The following CDH7 variants were observed in gnomAD, a reference collection of about 807,000 sequenced individuals.
CDH7 encodes the protein cadherin 7.
Under a neutral mutation model 71.8 loss-of-function variants are expected in CDH7, and 25 were observed. The ratio of observed to expected loss-of-function variants is 0.35; its 90% CI spans 0.25 to 0.49. The LOEUF (loss-of-function observed/expected upper bound fraction) is 0.49. Among genes scored for constraint, CDH7 ranks in the 20% least tolerant of loss-of-function variants. CDH7 has a pLI of 0.99. For missense variants in CDH7, 862 were observed against 974.6 expected (o/e 0.88, Z 1.54); for synonymous variants, 381 against 363.8 (o/e 1.05, Z -0.54).
chr18:65,841,808 A>G (rs933185420), intron 6 of CDH7, among the ~76,000 whole-genome samples: 18 of 152,090 alleles, frequency 1.2e-4, no homozygotes, highest in South Asian at 2.1e-4. Flanking sequence ...GGGGCCACAC[A>G]TATTTTAGAA....
chr18:65,809,490 G>GTATTTCCTCATTTC (rs1911446058), intron 2 of CDH7, among the ~76,000 whole-genome samples: 2 of 152,132 alleles, frequency 1.3e-5, no homozygotes, highest in South Asian at 4.1e-4. Flanking sequence ...TGGAAATGAG[G>GTATTTCCTCATTTC]CTGTTTACAG....
chr18:65,770,102 C>T (rs1431631571), intron 2 of CDH7, among the ~76,000 whole-genome samples: 1 of 152,078 alleles, frequency 6.6e-6, no homozygotes, highest in African/African-American at 2.4e-5. Context: ...GAGTGTGAGC[C>T]AGATTTAAAT....
chr18:65,791,487 A>G (rs1011590185), intron 2 of CDH7, among the ~76,000 whole-genome samples: 2 of 152,198 alleles, frequency 1.3e-5, no homozygotes, highest in Non-Finnish European at 2.9e-5. Context: ...TCATTTGTAC[A>G]TATGGGAAAG....
At chr18:65,842,984 G>GA (rs1912792097) in intron 6 of CDH7, among the ~76,000 whole-genome samples, 2 of 151,938 alleles carry the variant, frequency 1.3e-5, no homozygotes, top group African/African-American at 4.8e-5. Context: ...ATCCATTGAA[G>GA]AAAAAGAAGC....
At chr18:65,796,041 T>C (rs1414462665) in intron 2 of CDH7, among the ~76,000 whole-genome samples, 1 of 152,138 alleles carries the variant, frequency 6.6e-6, no homozygotes, top group Non-Finnish European at 1.5e-5. Flanking sequence ...TTTTTTAAAA[T>C]AAATAAATAA....
Position 65,787,020 on chromosome 18 carries a change from C to CT in CDH7, c.211-22674dup, listed in dbSNP as rs377206336. Among the ~76,000 whole-genome samples, 16 of 149,844 alleles carry CT rather than the reference C, an allele frequency of 1.1e-4. No individual in the cohort carries two copies. In the South Asian group the frequency reaches 1.5e-3, roughly 14 times the overall value. ...TAAGTTTCATGCCCATCAATGAAAA[C>CT]TTTTTTTTTTCCCTGACACAAGACT... On this transcript the variant is annotated intron_variant, in intron 2 of 11. Transcript: ENST00000397968.
At chr18:65,820,817 C>G (rs1911896590) in intron 4 of CDH7, among the ~76,000 whole-genome samples, 1 of 151,998 alleles carries the variant, frequency 6.6e-6, no homozygotes, top group Admixed American at 6.6e-5. Flanking sequence ...CAAAGCAAAC[C>G]CATGAGAGGA....
Position 65,819,298 on chromosome 18 carries a change from T to C in CDH7, c.626-2783T>C, listed in dbSNP as rs547541700. On this transcript the variant is annotated intron_variant, in intron 4 of 11. Transcript: ENST00000397968. Reference sequence around the variant, plus strand: ...GAAATTGGGTTTACGTAAGTATAAATAAATTTGCCAAGAGACCATAGATTG... The same window carrying C: ...GAAATTGGGTTTACGTAAGTATAAACAAATTTGCCAAGAGACCATAGATTG... Among the ~76,000 whole-genome samples the C allele has an allele frequency of 2.6e-5, 4 of 152,280 alleles. No individual in the cohort carries two copies. In the South Asian group the frequency reaches 8.3e-4, roughly 32 times the overall value.
Position 65,775,464 on chromosome 18 carries a change from A to G in CDH7, c.210+12412A>G, listed in dbSNP as rs538956112. Among the ~76,000 whole-genome samples the G allele has an allele frequency of 4.6e-5, 7 of 152,302 alleles. No homozygotes were observed. The South Asian group carries it at 6.2e-4, about 14-fold the overall frequency. On this transcript the variant is annotated intron_variant, in intron 2 of 11. Coordinates refer to ENST00000397968, the MANE Select transcript of CDH7 (RefSeq NM_004361.5). Reference sequence around the variant, plus strand: ...TTAGTTGTTAATAATAGTGGTACATATTTTTATTTTGCATTCAATTGCTAC... The same window carrying G: ...TTAGTTGTTAATAATAGTGGTACATGTTTTTATTTTGCATTCAATTGCTAC...
intron 2 of CDH7, among the ~76,000 whole-genome samples, chr18:65,772,494 T>C (rs1291365797): frequency 6.6e-6 from 1 of 152,200 alleles, no homozygotes; most frequent in African/African-American, 2.4e-5. Context: ...AAGCAGATAC[T>C]GGGGAGTTCT....
chr18:65,857,494 C>G (rs1381822694), intron 7 of CDH7, among the ~76,000 whole-genome samples: 4 of 151,480 alleles, frequency 2.6e-5, no homozygotes, highest in Non-Finnish European at 5.9e-5. Flanking sequence ...CAGCAAGACC[C>G]TGTATCAAAA....
intron 1 of CDH7, among the ~76,000 whole-genome samples, chr18:65,760,011 A>G (rs777072609): frequency 5.9e-5 from 9 of 152,192 alleles, no homozygotes; most frequent in Non-Finnish European, 7.3e-5. Flanking sequence ...AACTACAACT[A>G]TCAAAATGCT....
At chr18:65,810,225 G>A (rs1568197609) in intron 3 of CDH7, among the ~76,000 whole-genome samples, 1 of 152,036 alleles carries the variant, frequency 6.6e-6, no homozygotes, top group Admixed American at 6.6e-5. Context: ...TTTTTATACA[G>A]CTATTTCAGT....
In CDH7 at chr18:65,862,675, C is replaced by A; in HGVS notation, c.1622C>A (p.Ala541Asp). 1 of 1,614,036 alleles carries A rather than the reference C, an allele frequency of 6.2e-7. No individual in the cohort carries two copies. Among genetic ancestry groups the A allele is most frequent in the Non-Finnish European group, 8.5e-7 (1 of 1,179,922 alleles). The change falls in exon 11 of 12, where the codon GCC becomes GAC. Residue 541 changes from alanine to aspartate, a missense_variant. Physicochemically the swap from Ala to Asp is moderately radical, Grantham distance 126. Transcript: ENST00000397968. ...GCTTTCGTTATCCTAGACAACACAGCCTCAATACTGACCAGGAGAAACGGC... is the reference window on the plus strand; with the variant it reads ...GCTTTCGTTATCCTAGACAACACAGACTCAATACTGACCAGGAGAAACGGC... ...FSLKDNKDNT[A>D]SILTRRNGFR...
At chr18:65,791,270 C>T (rs1910703682) in intron 2 of CDH7, among the ~76,000 whole-genome samples, 1 of 152,154 alleles carries the variant, frequency 6.6e-6, no homozygotes, top group Non-Finnish European at 1.5e-5. Context: ...CACATTTAAT[C>T]GGTCAGCTCT....
intron 11 of CDH7, among the ~76,000 whole-genome samples, chr18:65,876,136 A>C (rs747973296): frequency 3.9e-5 from 6 of 152,146 alleles, no homozygotes; most frequent in Non-Finnish European, 7.3e-5. Flanking sequence ...TTTATCTGTG[A>C]ATATACAGTC....
At chr18:65,836,564 G>A (rs1032395223) in intron 6 of CDH7, among the ~76,000 whole-genome samples, 2 of 151,886 alleles carry the variant, frequency 1.3e-5, no homozygotes, top group African/African-American at 4.8e-5. Context: ...ATTATTCATT[G>A]TATTTTGTTT....
intron 6 of CDH7, among the ~76,000 whole-genome samples, chr18:65,826,256 A>T (rs1298283616): frequency 6.6e-6 from 1 of 151,424 alleles, no homozygotes; most frequent in African/African-American, 2.4e-5. Flanking sequence ...ACAATAGAAA[A>T]ACATCACAAA....
chr18:65,858,112 T>G (rs1197646517), intron 8 of CDH7, among the ~76,000 whole-genome samples, 160 bp downstream of exon 8: 1 of 152,140 alleles, frequency 6.6e-6, no homozygotes, highest in Non-Finnish European at 1.5e-5. Flanking sequence ...ATACTTATCT[T>G]CACTGTCTTT....
Sources: gnomAD v4.1 joint callset for allele counts (sites outside exome capture counted in the v4.1 genomes callset) on GRCh38, gnomAD v4.1.1 for gene constraint, MANE v1.5 for transcripts, NCBI Gene and HGNC (gene_info 2026-07-23, HGNC 2026-07-21) for gene names.